PIWIL2: variants seen among roughly 807,000 people sequenced by gnomAD.
PIWIL2 encodes the protein piwi-like protein 2.
Under a neutral mutation model 116.5 loss-of-function variants are expected in PIWIL2, and 81 were observed. That is an observed-to-expected ratio of 0.70 (90% confidence interval 0.58 to 0.84). The LOEUF (loss-of-function observed/expected upper bound fraction) is 0.84. PIWIL2 is among the 40% of genes least tolerant of loss of function. The probability of loss-of-function intolerance (pLI) is 0.00; values close to 1 mark genes in which losing one functional copy is unlikely to be tolerated. For synonymous variants in PIWIL2, 489 were observed against 429.5 expected (o/e 1.14, Z -1.71); for missense variants, 1,272 against 1,212.3 (o/e 1.05, Z -0.73).
At chr8:22,294,001 C>A (rs942639420) in intron 10 of PIWIL2, among the ~76,000 whole-genome samples, 1 of 152,086 alleles carries the variant, frequency 6.6e-6, no homozygotes, top group Admixed American at 6.6e-5. Context: ...TTCACTTAGT[C>A]TTCCTGTTGA....
intron 1 of PIWIL2, among the ~76,000 whole-genome samples, chr8:22,277,752 T>C (rs115066341): frequency 1.3e-5 from 2 of 152,216 alleles, no homozygotes; most frequent in African/African-American, 4.8e-5. Flanking sequence ...GGAAGAGAAT[T>C]TGGTGCAATC....
At position 22,356,986 on chromosome 8, in the gene PIWIL2, A is replaced by AT. The variant is rs1490508228; in HGVS notation, c.*1487dup. 1 of 151,836 alleles carries AT rather than the reference A, an allele frequency of 6.6e-6. No homozygotes were observed. Among genetic ancestry groups the AT allele is most frequent in the African/African-American group, 2.4e-5 (1 of 41,332 alleles). 9.4% of individuals were successfully genotyped at this position (151,836 alleles called of 1,614,324 possible). A position where few individuals can be genotyped will look rare whatever the true frequency, so the allele number is the denominator to read the frequency against. On this transcript the variant is annotated 3_prime_UTR_variant, in exon 23 of 23. Transcript: ENST00000356766. Reference sequence around the variant, plus strand: ...CTAATTTGTATTTATGTACTTATTTATTTTTTGGTATGATGGCAGGGAGGG... The same window carrying AT: ...CTAATTTGTATTTATGTACTTATTTATTTTTTTGGTATGATGGCAGGGAGGG...
intron 20 of PIWIL2, among the ~76,000 whole-genome samples, chr8:22,322,573 C>A (rs985399541): frequency 1.3e-5 from 2 of 150,630 alleles, no homozygotes; most frequent in African/African-American, 2.4e-5. Flanking sequence ...AGCTGAATAC[C>A]CTGTCCTGTC....
chr8:22,291,732 C>T (rs1454725841), intron 10 of PIWIL2, among the ~76,000 whole-genome samples: 1 of 152,098 alleles, frequency 6.6e-6, no homozygotes, highest in Non-Finnish European at 1.5e-5. Flanking sequence ...TCATTCATTG[C>T]TTCAGTGTAT....
At chr8:22,281,538 G>T in intron 4 of PIWIL2, 23 bp downstream of exon 4, 3 of 1,540,928 alleles carry the variant, frequency 1.9e-6, no homozygotes, top group Non-Finnish European at 2.6e-6. Context: ...ACCCTCTCAG[G>T]TAACTATCAA....
At chr8:22,301,007 C>T (rs894497258) in intron 10 of PIWIL2, among the ~76,000 whole-genome samples, 1 of 150,398 alleles carries the variant, frequency 6.6e-6, no homozygotes, top group Admixed American at 6.6e-5. Context: ...TTTTTTGAGA[C>T]AGAGTCTTGC....
chr8:22,302,897 T>G (rs1299220700), intron 10 of PIWIL2, among the ~76,000 whole-genome samples: 1 of 152,236 alleles, frequency 6.6e-6, no homozygotes, highest in Non-Finnish European at 1.5e-5. Context: ...AAATTTCTAG[T>G]TGATGCACTG....
Position 22,341,377 on chromosome 8 carries a change from C to T in PIWIL2, c.2404-11582C>T, listed in dbSNP as rs147056757. Among the ~76,000 whole-genome samples the T allele has an allele frequency of 5.8e-3, 877 of 151,982 alleles. 11 individuals carry two copies. The highest frequency in any genetic ancestry group is 0.02 in the African/African-American group (838 of 41,474). The stretch of plus-strand genomic sequence containing the variant: ...TTGGGAGGCTGAGGTGGGCGGATCA[C>T]CTGAGGTCAGGAGTTCAAGACCAGC... On this transcript the variant is annotated intron_variant, in intron 20 of 22. Coordinates refer to ENST00000356766, the MANE Select transcript of PIWIL2 (RefSeq NM_018068.5).
At position 22,287,568 on chromosome 8, in the gene PIWIL2, A is replaced by T; in HGVS notation, c.784A>T (p.Lys262Ter). The T allele has an allele frequency of 6.2e-7, 1 of 1,613,876 alleles. No homozygotes were observed. Among genetic ancestry groups the T allele is most frequent in the Non-Finnish European group, 8.5e-7 (1 of 1,179,738 alleles). Residue 262 changes from lysine to a stop codon, truncating the protein, a stop_gained, in exon 7 of 23, where the codon AAG becomes TAG. Transcript: ENST00000356766. LOFTEE classifies it high-confidence loss of function. ...ECKSMRFGML[K>*]DHQAVTGNVT... is the part of the protein sequence containing the mutation. ...CAAAAGCATGAGGTTCGGCATGTTG[A>T]AGGACCATCAAGCTGTCACCGGCAA...
At position 22,316,365 on chromosome 8, in the gene PIWIL2, A is replaced by T. The variant is rs759975708; in HGVS notation, c.2297+32A>T. On this transcript the variant is annotated intron_variant, in intron 19 of 22. Coordinates refer to ENST00000356766, the MANE Select transcript of PIWIL2 (RefSeq NM_018068.5). ...ACTGCTCACAGTGCCATCTTGTTTGATTATTTCATTTTAGTGCCTAATCTT... is the reference window on the plus strand; with the variant it reads ...ACTGCTCACAGTGCCATCTTGTTTGTTTATTTCATTTTAGTGCCTAATCTT... 2.3e-5 allele frequency: 30 copies of T among 1,303,476 alleles called. No individual in the cohort carries two copies. The South Asian group carries it at 3.5e-4, about 15-fold the overall frequency. The allele number at this position is 1,303,476 out of a possible 1,614,324, so 80.7% of individuals were successfully genotyped here.
chr8:22,315,203 C>A, intron 18 of PIWIL2, 58 bp downstream of exon 18: 1 of 948,266 alleles, frequency 1.1e-6, no homozygotes. Flanking sequence ...AAGCTGTTTT[C>A]CTGTTTTTCC....
chr8:22,318,123 A>AT, intron 19 of PIWIL2, 47 bp from the exon 20 acceptor site: 1 of 1,214,582 alleles, frequency 8.2e-7, no homozygotes, highest in Middle Eastern at 2.3e-4. Context: ...CCCTTCGAGC[A>AT]TTTGTTCATC....
chr8:22,279,598 C>A lies in PIWIL2; in HGVS notation c.198+14C>A, dbSNP rs202243831. 2 of 1,610,004 alleles carry A rather than the reference C, an allele frequency of 1.2e-6. No homozygotes were observed. Among genetic ancestry groups the A allele is most frequent in the Non-Finnish European group, 1.7e-6 (2 of 1,176,390 alleles). On this transcript the variant is annotated intron_variant, in intron 2 of 22. Transcript: ENST00000356766. ...CCAGCACAAAGGGTAAGACCACTTC[C>A]GGATGCATAGGAGTGGCATACAGCT...
intron 20 of PIWIL2, among the ~76,000 whole-genome samples, chr8:22,336,492 A>G: frequency 6.6e-6 from 1 of 152,180 alleles, no homozygotes; most frequent in East Asian, 1.9e-4. Context: ...ACTTAGAGGA[A>G]AATTTATTAT....
intron 20 of PIWIL2, among the ~76,000 whole-genome samples, chr8:22,349,348 T>C (rs995710577): frequency 1.7e-4 from 26 of 150,060 alleles, no homozygotes; most frequent in Non-Finnish European, 3.0e-4. Flanking sequence ...GTCCCTTCTT[T>C]GTGCTTCGGA....
At position 22,304,025 on chromosome 8, in the gene PIWIL2, G is replaced by T; in HGVS notation, c.1186G>T (p.Ala396Ser). 6.2e-7 allele frequency: 1 copy of T among 1,609,324 alleles called. No homozygotes were observed. The highest frequency in any genetic ancestry group is 8.5e-7 in the Non-Finnish European group (1 of 1,177,158). Residue 396 changes from alanine to serine, a missense_variant, in exon 11 of 23, where the codon GCC (alanine) becomes TCC (serine). Coordinates refer to ENST00000356766, the MANE Select transcript of PIWIL2 (RefSeq NM_018068.5). ...RNDCVLDVMH[A>S]IYQQNKEHFQ... ...GTCTTTTATCTCTTTCCAAAGGCAT[G>T]CCATTTATCAGCAGAATAAAGAACA...
chr8:22,298,122 C>T (rs746323612), intron 10 of PIWIL2, among the ~76,000 whole-genome samples: 7 of 151,822 alleles, frequency 4.6e-5, no homozygotes, highest in Non-Finnish European at 7.4e-5. Context: ...CTGGGCATGG[C>T]GGCACACATC....
chr8:22,278,668 G>A (rs1423260811), intron 1 of PIWIL2, among the ~76,000 whole-genome samples: 2 of 152,212 alleles, frequency 1.3e-5, no homozygotes, highest in African/African-American at 4.8e-5. Context: ...TGGTTGGGGG[G>A]CCTGTTAGGA....
chr8:22,353,155 A>T lies in PIWIL2; in HGVS notation c.2600A>T (p.Asn867Ile). Residue 867 changes from asparagine to isoleucine, a missense_variant, in exon 21 of 23, where the codon AAC becomes ATC. Physicochemically the swap from Asn to Ile is moderately radical, Grantham distance 149. Coordinates refer to ENST00000356766, the MANE Select transcript of PIWIL2 (RefSeq NM_018068.5). ...AATCTATATCTGGCTGCTCCTCAGA[A>T]CTTTGTAACTCCCACTCCTGGAACT... ...STNLYLAAPQ[N>I]FVTPTPGTVV... 3 of 1,614,076 alleles carry T rather than the reference A, an allele frequency of 1.9e-6. No homozygotes were observed. The highest frequency in any genetic ancestry group is 2.5e-6 in the Non-Finnish European group (3 of 1,179,936).
Sources: gnomAD v4.1 joint callset for allele counts (sites outside exome capture counted in the v4.1 genomes callset) on GRCh38, gnomAD v4.1.1 for gene constraint, MANE v1.5 for transcripts, NCBI Gene and HGNC (gene_info 2026-07-23, HGNC 2026-07-21) for gene names.